Variants in PSD3 observed in about 807,000 individuals in gnomAD.
PSD3 encodes the protein PH and SEC7 domain-containing protein 3.
Under a neutral mutation model 105.5 loss-of-function variants are expected in PSD3, and 49 were observed. The ratio of observed to expected loss-of-function variants is 0.46; its 90% CI spans 0.37 to 0.59. The LOEUF (loss-of-function observed/expected upper bound fraction) is 0.59, where lower values mean the gene tolerates loss of function less well. Ranked by LOEUF, PSD3 falls within the 20% of genes least tolerant of loss-of-function variation. The pLI, the probability that PSD3 is intolerant of heterozygous loss-of-function variation, is 0.00. For synonymous variants in PSD3, 557 were observed against 457.8 expected (o/e 1.22, Z -2.77); for missense variants, 1,561 against 1,263.8 (o/e 1.24, Z -3.57).
intron 15 of PSD3, among the ~76,000 whole-genome samples, chr8:18,537,815 T>A (rs1184038109): frequency 6.6e-6 from 1 of 152,196 alleles, no homozygotes; most frequent in Non-Finnish European, 1.5e-5. Context: ...TGTCTAGGAT[T>A]ACAGGCGCAC....
intron 1 of PSD3, among the ~76,000 whole-genome samples, chr8:19,020,022 C>A (rs1392505577): frequency 6.6e-6 from 1 of 152,112 alleles, no homozygotes; most frequent in Non-Finnish European, 1.5e-5. Flanking sequence ...GAGGTTAAGT[C>A]TCTATAATAA....
chr8:18,947,215 G>A (rs76845606), intron 1 of PSD3, among the ~76,000 whole-genome samples: 3,730 of 152,250 alleles, frequency 0.024, 156 homozygotes, highest in East Asian at 0.15. Context: ...TAGCTGAAAG[G>A]CCCCATCTTT....
At chr8:19,001,871 G>T in intron 1 of PSD3, 1 of 176,952 alleles carries the variant, frequency 5.7e-6, no homozygotes. Context: ...GGTGTCCCCA[G>T]CATCCCCCAG....
chr8:18,702,316 G>A (rs1339602711), intron 9 of PSD3, among the ~76,000 whole-genome samples: 1 of 152,190 alleles, frequency 6.6e-6, no homozygotes, highest in Admixed American at 6.5e-5. Context: ...GTGTGTTTAT[G>A]TACATAGGTA....
intron 9 of PSD3, among the ~76,000 whole-genome samples, chr8:18,669,124 A>C (rs548512890): frequency 3.3e-5 from 5 of 152,334 alleles, no homozygotes; most frequent in African/African-American, 1.2e-4. Context: ...ATGCATCCTC[A>C]TTGTATTAGT....
intron 2 of PSD3, among the ~76,000 whole-genome samples, chr8:18,900,331 A>T (rs551258091): frequency 6.6e-6 from 1 of 152,240 alleles, no homozygotes; most frequent in East Asian, 1.9e-4. Context: ...TTTTCAATAT[A>T]AAAAAGTTCA....
intron 1 of PSD3, among the ~76,000 whole-genome samples, chr8:19,049,037 G>T (rs1828422684): frequency 6.6e-6 from 1 of 152,098 alleles, no homozygotes; most frequent in Non-Finnish European, 1.5e-5. Flanking sequence ...CAGTCATGCT[G>T]GATTAGGGTC....
At chr8:19,003,981 G>A (rs1003049775) in intron 1 of PSD3, among the ~76,000 whole-genome samples, 52 of 152,046 alleles carry the variant, frequency 3.4e-4, no homozygotes, top group Non-Finnish European at 4.4e-5. Context: ...CTTGCATGGG[G>A]TGATTAGGAA....
In PSD3 at chr8:18,828,262, T is replaced by C. The variant is rs376194722; in HGVS notation, c.1635-23364A>G. 6.0e-4 allele frequency among the ~76,000 whole-genome samples: 91 copies of C among 151,824 alleles called. 2 individuals carry two copies. The South Asian group carries it at 0.019, about 31-fold the overall frequency. Reference sequence around the variant, plus strand: ...TCTACTTTTTCTCCTAAGCCAACTATAGAAAGCAGCCAAAAATCCACCCAA... The same window carrying C: ...TCTACTTTTTCTCCTAAGCCAACTACAGAAAGCAGCCAAAAATCCACCCAA... On this transcript the variant is annotated intron_variant, in intron 4 of 15. Coordinates refer to ENST00000327040, the MANE Select transcript of PSD3 (RefSeq NM_015310.4).
At chr8:18,808,547 T>G (rs1048113874) in intron 4 of PSD3, among the ~76,000 whole-genome samples, 4 of 152,162 alleles carry the variant, frequency 2.6e-5, no homozygotes, top group African/African-American at 7.2e-5. Flanking sequence ...ACCAAAACCA[T>G]ATAATTGCAA....
At position 18,918,840 on chromosome 8, in the gene PSD3, G is replaced by A. The variant is rs114298870; in HGVS notation, c.130+17194C>T. On this transcript the variant is annotated intron_variant, in intron 2 of 15. Coordinates refer to ENST00000327040, the MANE Select transcript of PSD3 (RefSeq NM_015310.4). ...GGAGGGAGGGCACTGTACCTGTACC[G>A]TGCCCCTTTCCCTGGTTCCCACCAT... Among the ~76,000 whole-genome samples the A allele has an allele frequency of 5.1e-3, 779 of 152,060 alleles. 6 individuals carry two copies. The highest frequency in any genetic ancestry group is 0.018 in the African/African-American group (752 of 41,454).
intron 9 of PSD3, among the ~76,000 whole-genome samples, chr8:18,686,725 C>T (rs1264167621): frequency 6.6e-6 from 1 of 152,144 alleles, no homozygotes; most frequent in Non-Finnish European, 1.5e-5. Flanking sequence ...AGGCCTGACT[C>T]TTCATTCCAG....
intron 13 of PSD3, 142 bp downstream of exon 13, chr8:18,574,986 A>G: frequency 1.3e-6 from 1 of 774,094 alleles, no homozygotes. Context: ...CTTCTTAGGC[A>G]GTTATTTCTC....
rs556423306 is a variant in PSD3 at position 18,535,517 on chromosome 8, C to G, written c.*226G>C. The G allele has an allele frequency of 1.9e-6, 1 of 539,066 alleles. No homozygotes were observed. The highest frequency in any genetic ancestry group is 3.2e-5 in the Admixed American group (1 of 30,812). The allele number at this position is 539,066 out of a possible 1,614,324, so 33.4% of individuals were successfully genotyped here. On this transcript the variant is annotated 3_prime_UTR_variant, in exon 16 of 16. Transcript: ENST00000327040. ...TGAAATCACGATCCCCTCCTCCTCA[C>G]AGAAAAGGTGCATTAGCTATCAAGT... is the stretch of plus-strand genomic sequence containing the variant.
At chr8:18,793,275 A>G (rs560576911) in intron 8 of PSD3, among the ~76,000 whole-genome samples, 47 of 152,214 alleles carry the variant, frequency 3.1e-4, no homozygotes, top group African/African-American at 1.1e-3. Flanking sequence ...TACATATGTA[A>G]CAAACCTGCA....
intron 8 of PSD3, among the ~76,000 whole-genome samples, chr8:18,780,546 CTATT>C (rs1422730556): frequency 4.6e-5 from 7 of 151,504 alleles, no homozygotes; most frequent in African/African-American, 9.7e-5. Flanking sequence ...CTTGCCTCCT[CTATT>C]TATTTATTTA....
rs542388808 is a variant in PSD3, at chr8:18,867,878, G to A, written c.1430C>T (p.Pro477Leu). The change falls in exon 4 of 16, where the codon CCC becomes CTC. Residue 477 changes from proline to leucine, a missense_variant. Coordinates refer to ENST00000327040, the MANE Select transcript of PSD3 (RefSeq NM_015310.4). The part of the protein sequence containing the change: ...EPDSYFSFEM[P>L]LTPMIQQRIK... ...GCGCTGTTGTATCATTGGAGTGAGG[G>A]GCATTTCAAAGCTAAAATAGCTATC... The A allele has an allele frequency of 1.9e-6, 3 of 1,614,090 alleles. No homozygotes were observed. Among genetic ancestry groups the A allele is most frequent in the Non-Finnish European group, 1.7e-6 (2 of 1,179,996 alleles).
chr8:19,074,714 G>A (rs753529200), intron 1 of PSD3, among the ~76,000 whole-genome samples: 5 of 141,686 alleles, frequency 3.5e-5, no homozygotes, highest in Non-Finnish European at 6.0e-5. Context: ...TCCGCCTCCC[G>A]GGTTCACGCC....
intron 11 of PSD3, among the ~76,000 whole-genome samples, chr8:18,626,697 C>T (rs917165105): frequency 1.3e-5 from 2 of 152,028 alleles, no homozygotes; most frequent in Admixed American, 1.3e-4. Context: ...AAGGCAAAAA[C>T]ATTCAGAAAC....
Sources: gnomAD v4.1 joint callset for allele counts (sites outside exome capture counted in the v4.1 genomes callset) on GRCh38, gnomAD v4.1.1 for gene constraint, MANE v1.5 for transcripts, NCBI Gene and HGNC (gene_info 2026-07-23, HGNC 2026-07-21) for gene names.